Variants in ATRNL1 observed in about 807,000 individuals in gnomAD.
ATRNL1 encodes the protein attractin like 1, also known as attractin-like protein 1.
In ATRNL1, 95 loss-of-function variants were observed where a neutral mutation model predicts 182.7. The observed-to-expected ratio is 0.52, with a 90% CI of 0.44 to 0.62. The LOEUF is 0.62. ATRNL1 is among the 20% of genes least tolerant of loss of function. The pLI is 0.00. For missense variants in ATRNL1, 1,471 were observed against 1,679.5 expected (o/e 0.88, Z 2.17); for synonymous variants, 576 against 568.3 (o/e 1.01, Z -0.19).
chr10:115,750,207 C>T (rs1385131547), intron 27 of ATRNL1, among the ~76,000 whole-genome samples: 1 of 151,778 alleles, frequency 6.6e-6, no homozygotes, highest in Non-Finnish European at 1.5e-5. Context: ...ATTACAGACA[C>T]TAATGGGCAG....
chr10:115,349,741 A>G (rs1856143166), intron 19 of ATRNL1, among the ~76,000 whole-genome samples: 2 of 152,142 alleles, frequency 1.3e-5, no homozygotes, highest in South Asian at 4.1e-4. Flanking sequence ...TTGGCCATTT[A>G]TAAGTCTTCT....
intron 26 of ATRNL1, among the ~76,000 whole-genome samples, chr10:115,700,875 A>G (rs1555051331): frequency 6.6e-6 from 1 of 152,128 alleles, no homozygotes; most frequent in African/African-American, 2.4e-5. Flanking sequence ...GCAACACCCC[A>G]CTAACAGCAT....
At chr10:115,738,440 A>G (rs915523929) in intron 27 of ATRNL1, among the ~76,000 whole-genome samples, 5 of 152,136 alleles carry the variant, frequency 3.3e-5, no homozygotes, top group Middle Eastern at 3.4e-3. Context: ...ATGCCCAGCC[A>G]TGATTTTTTA....
chr10:115,488,257 C>A (rs2134643551), intron 24 of ATRNL1, among the ~76,000 whole-genome samples: 1 of 152,262 alleles, frequency 6.6e-6, no homozygotes, highest in African/African-American at 2.4e-5. Flanking sequence ...GGGAGGATTC[C>A]TTCTTTTTCT....
At chr10:115,720,229 T>A (rs1347593278) in intron 26 of ATRNL1, among the ~76,000 whole-genome samples, 1 of 152,142 alleles carries the variant, frequency 6.6e-6, no homozygotes, top group Non-Finnish European at 1.5e-5. Context: ...AGGCAACCCT[T>A]CCATTTTCTT....
intron 13 of ATRNL1, 24 bp from the exon 14 acceptor site, chr10:115,281,331 T>C: frequency 2.5e-6 from 4 of 1,601,718 alleles, no homozygotes; most frequent in Non-Finnish European, 3.4e-6. Context: ...AGGTGAAAAA[T>C]AACATGCTCT....
intron 26 of ATRNL1, among the ~76,000 whole-genome samples, chr10:115,659,898 G>A (rs1860568164): frequency 6.6e-6 from 1 of 152,146 alleles, no homozygotes; most frequent in Admixed American, 6.5e-5. Flanking sequence ...TGTTTATGAC[G>A]AGTGAGGGTG....
chr10:115,186,495 G>A (rs539457229), intron 8 of ATRNL1, among the ~76,000 whole-genome samples: 1 of 152,024 alleles, frequency 6.6e-6, no homozygotes, highest in Non-Finnish European at 1.5e-5. Context: ...AAGAAAAAAT[G>A]GTCCATATAT....
intron 26 of ATRNL1, among the ~76,000 whole-genome samples, chr10:115,719,843 T>C (rs554223771): frequency 1.2e-3 from 178 of 149,088 alleles, no homozygotes; most frequent in African/African-American, 4.0e-3. Context: ...TAAAATTCTA[T>C]CCACCCCCCC....
At chr10:115,630,540 C>G (rs564272820) in intron 26 of ATRNL1, among the ~76,000 whole-genome samples, 1 of 151,550 alleles carries the variant, frequency 6.6e-6, no homozygotes, top group Non-Finnish European at 1.5e-5. Flanking sequence ...AAATAAGTCT[C>G]TCCAAGAGAC....
intron 19 of ATRNL1, among the ~76,000 whole-genome samples, chr10:115,373,041 T>C (rs1015552684): frequency 6.6e-6 from 1 of 152,126 alleles, no homozygotes; most frequent in East Asian, 1.9e-4. Context: ...TGTTCAACTT[T>C]TTTCATCAAT....
intron 21 of ATRNL1, among the ~76,000 whole-genome samples, chr10:115,432,031 T>A (rs1846192832): frequency 6.6e-6 from 1 of 152,142 alleles, no homozygotes; most frequent in Non-Finnish European, 1.5e-5. Context: ...AATACAAATA[T>A]GATGTGAGCC....
chr10:115,330,533 A>T (rs1478818962), intron 18 of ATRNL1, among the ~76,000 whole-genome samples: 1 of 152,084 alleles, frequency 6.6e-6, no homozygotes, highest in East Asian at 1.9e-4. Flanking sequence ...ATTTCTAATT[A>T]ATAAGTTTGC....
At chr10:115,508,835 A>G (rs1289021029) in intron 24 of ATRNL1, among the ~76,000 whole-genome samples, 1 of 152,054 alleles carries the variant, frequency 6.6e-6, no homozygotes, top group Admixed American at 6.6e-5. Context: ...TAGAAGATAC[A>G]TGTCTAACTT....
Position 115,306,224 on chromosome 10 carries a change from A to C in ATRNL1, c.2818+4181A>C, listed in dbSNP as rs139234702. Among the ~76,000 whole-genome samples the C allele has an allele frequency of 2.0e-5, 3 of 152,192 alleles. No homozygotes were observed. In the East Asian group the frequency reaches 5.8e-4, roughly 29 times the overall value. On this transcript the variant is annotated intron_variant, in intron 17 of 28. Transcript: ENST00000355044. ...AATCTTTAGTAATTTCTTTCAAATA[A>C]ATTGTGACATAAACTTTTGAGTCTT... is the stretch of plus-strand genomic sequence containing the variant.
chr10:115,754,899 G>T (rs1593172443), intron 27 of ATRNL1, among the ~76,000 whole-genome samples: 1 of 152,064 alleles, frequency 6.6e-6, no homozygotes, highest in East Asian at 1.9e-4. Context: ...CTTGAAAGTT[G>T]TTTTCCTAGG....
At chr10:115,761,869 G>T (rs569821442) in intron 27 of ATRNL1, among the ~76,000 whole-genome samples, 7 of 152,058 alleles carry the variant, frequency 4.6e-5, no homozygotes, top group Non-Finnish European at 1.0e-4. Flanking sequence ...AAAACACCTA[G>T]GATACTACCC....
chr10:115,909,844 A>ATTCT (rs1952620910), intron 28 of ATRNL1, among the ~76,000 whole-genome samples: 1 of 152,174 alleles, frequency 6.6e-6, no homozygotes, highest in African/African-American at 2.4e-5. Context: ...CCTAGCCAGA[A>ATTCT]GGCTAGGAAT....
rs1555120367 is a variant in ATRNL1 at position 115,926,777 on chromosome 10, C to T, written c.4019-17881C>T. Among the ~76,000 whole-genome samples the T allele has an allele frequency of 2.6e-5, 4 of 151,990 alleles. No individual in the cohort carries two copies. The Middle Eastern group carries it at 0.01, about 388-fold the overall frequency. ...ATTGAGGCAGTAATTAATAGCCTAC[C>T]AACCAAAAAAAAGTCTAGGACCAGA... On this transcript the variant is annotated intron_variant, in intron 28 of 28. Coordinates refer to ENST00000355044, the MANE Select transcript of ATRNL1 (RefSeq NM_207303.4).
Sources: allele counts gnomAD v4.1 joint callset (sites outside exome capture counted in the v4.1 genomes callset), GRCh38; gene constraint gnomAD v4.1.1; transcripts MANE v1.5; gene names NCBI Gene and HGNC (gene_info 2026-07-23, HGNC 2026-07-21).